Variants in NAV2 observed in about 807,000 individuals in gnomAD.
NAV2 encodes the protein neuron navigator 2.
NAV2 carries 54 observed loss-of-function variants against 223.2 expected under a neutral mutation model. The ratio of observed to expected loss-of-function variants is 0.24; its 90% CI spans 0.19 to 0.30. The LOEUF (loss-of-function observed/expected upper bound fraction) is 0.30, where lower values mean the gene tolerates loss of function less well. NAV2 is among the 10% of genes least tolerant of loss of function. The pLI, the probability that NAV2 is intolerant of heterozygous loss-of-function variation, is 1.00. For missense variants in NAV2, 2,806 were observed against 3,147.5 expected (o/e 0.89, Z 2.60); for synonymous variants, 1,279 against 1,239.3 (o/e 1.03, Z -0.67).
At chr11:19,759,297 A>T (rs1279560087) in intron 1 of NAV2, among the ~76,000 whole-genome samples, 1 of 151,962 alleles carries the variant, frequency 6.6e-6, no homozygotes, top group South Asian at 2.1e-4. Flanking sequence ...GTTAGCCAGG[A>T]TGGTCTCGAT....
At chr11:19,830,030 G>C (rs1469688507) in intron 1 of NAV2, among the ~76,000 whole-genome samples, 1 of 152,148 alleles carries the variant, frequency 6.6e-6, no homozygotes, top group East Asian at 1.9e-4. Flanking sequence ...TTAGAGACCA[G>C]CCTGGCCAAC....
intron 26 of NAV2, among the ~76,000 whole-genome samples, chr11:20,088,066 TTATCAGCGATACAGCA>T (rs1362030967): frequency 6.6e-6 from 1 of 152,052 alleles, no homozygotes; most frequent in African/African-American, 2.4e-5. Flanking sequence ...TGAAATGAAA[TTATCAGCGATACAGCA>T]TAAGTCTAGT....
At chr11:19,531,666 A>C (rs1485652956) in intron 1 of NAV2, among the ~76,000 whole-genome samples, 2 of 152,176 alleles carry the variant, frequency 1.3e-5, no homozygotes, top group Non-Finnish European at 2.9e-5. Context: ...AAATGGACTC[A>C]TTTGTGTTTG....
intron 1 of NAV2, among the ~76,000 whole-genome samples, chr11:19,424,788 T>C (rs1590180690): frequency 1.3e-5 from 2 of 152,114 alleles, no homozygotes; most frequent in East Asian, 3.9e-4. Context: ...TGACCTCAAG[T>C]GATCCGCCCA....
intron 26 of NAV2, among the ~76,000 whole-genome samples, chr11:20,087,769 G>C (rs1367335116): frequency 6.6e-6 from 1 of 152,174 alleles, no homozygotes; most frequent in Non-Finnish European, 1.5e-5. Flanking sequence ...TGCCAGGTTT[G>C]AATCTGCCTC....
chr11:19,400,841 G>A (rs1216041314), intron 1 of NAV2, among the ~76,000 whole-genome samples: 1 of 152,108 alleles, frequency 6.6e-6, no homozygotes, highest in Non-Finnish European at 1.5e-5. Flanking sequence ...TGGGTTAGTT[G>A]GACCAGCCTG....
intron 25 of NAV2, chr11:20,082,557 C>T: frequency 3.1e-6 from 5 of 1,613,320 alleles, no homozygotes; most frequent in East Asian, 2.2e-5. Flanking sequence ...TTTTTCCTCC[C>T]CCTTCCCCAT....
intron 1 of NAV2, among the ~76,000 whole-genome samples, chr11:19,694,143 AG>A (rs1353429865): frequency 6.6e-6 from 1 of 152,206 alleles, no homozygotes; most frequent in African/African-American, 2.4e-5. Context: ...TTATTGAAGA[AG>A]GGCTCCCAGG....
intron 10 of NAV2, among the ~76,000 whole-genome samples, chr11:19,962,429 G>C (rs924527025): frequency 6.6e-6 from 1 of 152,136 alleles, no homozygotes; most frequent in Admixed American, 6.5e-5. Flanking sequence ...ATCCCAGCCT[G>C]TAAGCAGGCC....
At chr11:19,551,641 A>T (rs927927849) in intron 1 of NAV2, among the ~76,000 whole-genome samples, 1 of 152,246 alleles carries the variant, frequency 6.6e-6, no homozygotes, top group Non-Finnish European at 1.5e-5. Flanking sequence ...GCTTAAGCAG[A>T]TGTCTTGTCA....
At chr11:19,790,744 C>CA (rs2057459124) in intron 1 of NAV2, among the ~76,000 whole-genome samples, 1 of 152,150 alleles carries the variant, frequency 6.6e-6, no homozygotes, top group African/African-American at 2.4e-5. Context: ...TACTGCCCCC[C>CA]AAGGTGTGAG....
intron 1 of NAV2, among the ~76,000 whole-genome samples, chr11:19,571,564 G>A (rs1386609887): frequency 6.6e-6 from 1 of 152,148 alleles, no homozygotes; most frequent in Non-Finnish European, 1.5e-5. Context: ...GAATTAGCCA[G>A]GAGTGTTGGC....
rs539685071 is a variant in NAV2, at chr11:19,994,659, C to T, written c.2768+10412C>T. On this transcript the variant is annotated intron_variant, in intron 11 of 37. Transcript: ENST00000349880. Reference sequence around the variant, plus strand: ...ATAAGCCCAGAATATAAGGCACTTACGGTGGCCTATGGAAAAGGGTCCCTG... The same window carrying T: ...ATAAGCCCAGAATATAAGGCACTTATGGTGGCCTATGGAAAAGGGTCCCTG... Among the ~76,000 whole-genome samples, 64 of 152,192 alleles carry T rather than the reference C, an allele frequency of 4.2e-4. 1 individual carries two copies. Among genetic ancestry groups the T allele is most frequent in the African/African-American group, 1.4e-3 (58 of 41,522 alleles).
intron 1 of NAV2, among the ~76,000 whole-genome samples, chr11:19,556,342 T>C (rs1195655155): frequency 6.6e-6 from 1 of 152,250 alleles, no homozygotes; most frequent in Non-Finnish European, 1.5e-5. Flanking sequence ...TGTGAAAACA[T>C]GTTTATGGTT....
At chr11:20,030,775 C>T (rs1464333322) in intron 11 of NAV2, among the ~76,000 whole-genome samples, 1 of 152,190 alleles carries the variant, frequency 6.6e-6, no homozygotes, top group Non-Finnish European at 1.5e-5. Flanking sequence ...ATTCTTTTTA[C>T]AACCGTAATC....
At chr11:19,622,589 T>G (rs924146088) in intron 1 of NAV2, among the ~76,000 whole-genome samples, 24 of 152,288 alleles carry the variant, frequency 1.6e-4, no homozygotes, top group Admixed American at 2.6e-4. Context: ...CCCTGCTTTT[T>G]TTTGTTTGTT....
intron 1 of NAV2, among the ~76,000 whole-genome samples, chr11:19,388,852 T>C (rs1300474112): frequency 1.3e-5 from 2 of 152,176 alleles, no homozygotes; most frequent in African/African-American, 4.8e-5. Context: ...ACAGGTGGTG[T>C]TCTCCCCATT....
At chr11:19,555,197 A>C (rs988850937) in intron 1 of NAV2, among the ~76,000 whole-genome samples, 1 of 152,136 alleles carries the variant, frequency 6.6e-6, no homozygotes, top group South Asian at 2.1e-4. Context: ...TGAGGTGGGG[A>C]AGCAGAAGCT....
At chr11:19,586,746 T>C (rs927031199) in intron 1 of NAV2, among the ~76,000 whole-genome samples, 114 of 152,322 alleles carry the variant, frequency 7.5e-4, no homozygotes, top group African/African-American at 2.6e-3. Flanking sequence ...GGAAGTTTTG[T>C]CTCAGAGGAG....
Sources: allele counts gnomAD v4.1 joint callset (sites outside exome capture counted in the v4.1 genomes callset), GRCh38; gene constraint gnomAD v4.1.1; transcripts MANE v1.5; gene names NCBI Gene and HGNC (gene_info 2026-07-23, HGNC 2026-07-21).